The following TTN variants were observed in gnomAD, a reference collection of about 807,000 sequenced individuals.
TTN encodes the protein connectin.
A neutral mutation model predicts 3,223.0 loss-of-function variants in TTN; 1,525 were observed. The ratio of observed to expected loss-of-function variants is 0.47; its 90% CI spans 0.45 to 0.49. The LOEUF (loss-of-function observed/expected upper bound fraction) is 0.49. TTN is among the 20% of genes least tolerant of loss of function. The pLI is 0.00. For synonymous variants in TTN, 14,094 were observed against 15,161.0 expected (o/e 0.93, Z 5.17); for missense variants, 40,786 against 43,424.0 (o/e 0.94, Z 5.40).
Position 178,735,476 on chromosome 2 carries a change from G to T in TTN, c.14935+35C>A, listed in dbSNP as rs772478106. 2.7e-6 allele frequency: 4 copies of T among 1,506,956 alleles called. 1 individual carries two copies. Among genetic ancestry groups the T allele is most frequent in the South Asian group, 2.8e-5 (2 of 71,314 alleles). The allele number at this position is 1,506,956 out of a possible 1,614,324, so 93.3% of individuals were successfully genotyped here. On this transcript the variant is annotated intron_variant, in intron 50 of 362. Coordinates refer to ENST00000589042, the MANE Select transcript of TTN (RefSeq NM_001267550.2). ...TTTTCTACTGAGGATTCCTTGCAGA[G>T]AAGGGACTAGAAAATACATTCACAC...
At chr2:178,799,781 G>A (rs766375395) in intron 5 of TTN, 44 bp downstream of exon 5, 13 of 1,614,040 alleles carry the variant, frequency 8.1e-6, no homozygotes, top group Admixed American at 3.3e-5. Context: ...AGCTGGGGAC[G>A]CAACAGCCTG....
In TTN at chr2:178,563,295, C is replaced by A; in HGVS notation, c.82837G>T (p.Ala27613Ser). Residue 27613 changes from alanine (A) to serine (S), a missense_variant, in exon 326 of 363, where the codon GCT becomes TCT. Transcript: ENST00000589042. The surrounding 1 kb of genome is among the most constrained non-coding windows in gnomAD (Gnocchi z 4.5). ...GTGCAGGTTGTCCATTCATCCGCAG[C>A]AGCTTCTTTGACCTCTACAACATAG... ...KGYVVEVKEA[A>S]ADEWTTCTPP... 9 of 1,613,690 alleles carry A rather than the reference C, an allele frequency of 5.6e-6. No homozygotes were observed. Among genetic ancestry groups the A allele is most frequent in the Non-Finnish European group, 7.6e-6 (9 of 1,179,716 alleles).
intron 295 of TTN, 124 bp downstream of exon 295, chr2:178,595,383 T>C (rs1047574449): frequency 1.1e-6 from 1 of 870,296 alleles, no homozygotes; most frequent in Non-Finnish European, 1.8e-6. Context: ...TACTGAGTAG[T>C]TGTGTGATAA....
chr2:178,733,395 G>T lies in TTN; in HGVS notation c.15898C>A (p.Pro5300Thr). ...LKPKWYKDGR[P>T]LVASKKYRIS... ...CGGTATTTTTTACTGGCGACCAAGG[G>T]TCTCCCATCTTTGTACCATTTGGGC... Residue 5300 changes from proline (P) to threonine (T), a missense_variant, in exon 54 of 363, where the codon CCC becomes ACC. Coordinates refer to ENST00000589042, the MANE Select transcript of TTN (RefSeq NM_001267550.2). The T allele has an allele frequency of 1.2e-6, 2 of 1,613,750 alleles. No homozygotes were observed. Among genetic ancestry groups the T allele is most frequent in the Non-Finnish European group, 1.7e-6 (2 of 1,179,774 alleles).
Position 178,585,274 on chromosome 2 carries a change from C to T in TTN, c.64470G>A (p.Val21490=). Residue 21490 remains valine, a synonymous_variant, in exon 309 of 363, where the codon GTG becomes GTA. Transcript: ENST00000589042. ...TACAGGTGGGATGAGGCTTTCCATA[C>T]ACATGGGCTTCAATTCGGAGTTTTT... The part of the protein sequence containing the change: ...AGKKLRIEAH[V]YGKPHPTCKW... 2 of 1,612,940 alleles carry T rather than the reference C, an allele frequency of 1.2e-6. No individual in the cohort carries two copies. Among genetic ancestry groups the T allele is most frequent in the Non-Finnish European group, 1.7e-6 (2 of 1,179,324 alleles).
At chr2:178,679,115 C>A (rs1214260197) in intron 142 of TTN, among the ~76,000 whole-genome samples, 1 of 151,974 alleles carries the variant, frequency 6.6e-6, no homozygotes. Flanking sequence ...ACTTGAAGAA[C>A]TTTCCACTAA....
chr2:178,799,289 C>G, intron 6 of TTN, 198 bp downstream of exon 6: 1 of 756,468 alleles, frequency 1.3e-6, no homozygotes. Flanking sequence ...GACACACAAG[C>G]GGCTGGATGT....
chr2:178,563,532 G>A lies in TTN; in HGVS notation c.82600C>T (p.Leu27534Phe), dbSNP rs1219137799. 1 of 1,613,756 alleles carries A rather than the reference G, an allele frequency of 6.2e-7. No homozygotes were observed. Among genetic ancestry groups the A allele is most frequent in the South Asian group, 1.1e-5 (1 of 91,074 alleles). The change falls in exon 326 of 363, where the codon CTT (leucine) becomes TTT (phenylalanine). Residue 27534 changes from leucine (L) to phenylalanine (F), a missense_variant. Leu to Phe is a conservative substitution (Grantham distance 22). Coordinates refer to ENST00000589042, the MANE Select transcript of TTN (RefSeq NM_001267550.2). The surrounding 1 kb of genome is among the most constrained non-coding windows in gnomAD (Gnocchi z 4.5). ...LTDLRLRVTG[L>F]TEGHSYEFRV... ...AATTCATAGGAATGGCCTTCGGTAA[G>A]ACCAGTTACCCTGAGCCGCAGATCC...
Position 178,739,687 on chromosome 2 carries a change from C to A in TTN, c.13546G>T (p.Val4516Phe). The change falls in exon 48 of 363, where the codon GTT becomes TTT. Residue 4516 changes from valine (V) to phenylalanine (F), a missense_variant. By Grantham distance (50) the Val-to-Phe change is conservative (BLOSUM62 -1). Coordinates refer to ENST00000589042, the MANE Select transcript of TTN (RefSeq NM_001267550.2). Reference protein sequence around the residue: ...EMDSFSGSQKVEPITEPEVES... With the variant: ...EMDSFSGSQKFEPITEPEVES... The stretch of plus-strand genomic sequence containing the variant: ...ACTTCTGGTTCAGTAATGGGTTCAA[C>A]CTTCTGTGAACCTGAAAAAGAATCC... 2 of 1,613,886 alleles carry A rather than the reference C, an allele frequency of 1.2e-6. No individual in the cohort carries two copies. The highest frequency in any genetic ancestry group is 1.1e-5 in the South Asian group (1 of 91,076).
In TTN at chr2:178,715,007, C is replaced by A. The variant is rs544958705; in HGVS notation, c.26179G>T (p.Val8727Phe). Reference protein sequence around the residue: ...ATNDVGSDTCVGSIALKAPPR... With the variant: ...ATNDVGSDTCFGSIALKAPPR... The stretch of plus-strand genomic sequence containing the variant: ...TAACCTTTGAGAGCGATGGAACCAA[C>A]GCAAGTGTCGCTTCCCACATCATTT... Residue 8727 changes from valine (V) to phenylalanine (F), a missense_variant, in exon 90 of 363, where the codon GTT becomes TTT. Coordinates refer to ENST00000589042, the MANE Select transcript of TTN (RefSeq NM_001267550.2). The A allele has an allele frequency of 3.1e-6, 5 of 1,611,236 alleles. No individual in the cohort carries two copies. The highest frequency in any genetic ancestry group is 3.4e-6 in the Non-Finnish European group (4 of 1,178,274).
rs746313065 is a variant in TTN at position 178,689,872 on chromosome 2, A to G, written c.31787T>C (p.Val10596Ala). Reference sequence around the variant, plus strand: ...AGGAACGGGAATCTTTTCTTCAGGGACAGGTTTCTTTGGCACCTCTGGGAC... The same window carrying G: ...AGGAACGGGAATCTTTTCTTCAGGGGCAGGTTTCTTTGGCACCTCTGGGAC... ...PKVPEVPKKP[V>A]PEEKIPVPVA... Residue 10596 changes from valine to alanine, a missense_variant, in exon 122 of 363, where the codon GTC (valine) becomes GCC (alanine). Val to Ala is a moderately conservative substitution (Grantham distance 64). Coordinates refer to ENST00000589042, the MANE Select transcript of TTN (RefSeq NM_001267550.2). The G allele has an allele frequency of 2.0e-5, 32 of 1,613,476 alleles. No homozygotes were observed. The East Asian group carries it at 2.5e-4, about 12-fold the overall frequency.
At chr2:178,797,714 T>C (rs562886317) in intron 6 of TTN, among the ~76,000 whole-genome samples, 2 of 152,242 alleles carry the variant, frequency 1.3e-5, no homozygotes, top group East Asian at 3.9e-4. Context: ...ATGAAGTACC[T>C]TGAGGAGGAG....
At chr2:178,651,825 A>T (rs1229747489) in intron 205 of TTN, 59 bp downstream of exon 205, 1 of 1,601,910 alleles carries the variant, frequency 6.2e-7, no homozygotes, top group African/African-American at 1.3e-5. Context: ...ACCCAGAATT[A>T]TCAGGGCAGG....
chr2:178,626,207 A>G (rs2059022342), intron 240 of TTN, among the ~76,000 whole-genome samples: 1 of 152,032 alleles, frequency 6.6e-6, no homozygotes, highest in African/African-American at 2.4e-5. Context: ...TTATTTTAGC[A>G]ATTAAACTTA....
intron 102 of TTN, 100 bp downstream of exon 102, chr2:178,706,354 T>C: frequency 7.7e-7 from 1 of 1,296,062 alleles, no homozygotes; most frequent in Non-Finnish European, 1.0e-6. Flanking sequence ...TTTAAATTTT[T>C]TGTTCTTTAA....
intron 49 of TTN, chr2:178,737,512 G>T (rs2081709792): frequency 6.6e-6 from 1 of 152,250 alleles, no homozygotes. Context: ...GTGTTAGCCA[G>T]GATGGTCTCG....
rs1311886410 is a variant in TTN at position 178,592,834 on chromosome 2, G to T, written c.59285C>A (p.Ala19762Glu). Residue 19762 changes from alanine to glutamate, a missense_variant, in exon 300 of 363, where the codon GCA becomes GAA. Transcript: ENST00000589042. ...TYKFRVLAVN[A>E]AGESDPAHVP... ...ATGAGCTGGATCTGATTCACCAGCT[G>T]CATTGACTGCTAACACTCTAAACTT... 29 of 1,613,384 alleles carry T rather than the reference G, an allele frequency of 1.8e-5. No homozygotes were observed. Among genetic ancestry groups the T allele is most frequent in the Non-Finnish European group, 2.5e-5 (29 of 1,179,628 alleles).
Position 178,587,501 on chromosome 2 carries a change from A to G in TTN, c.63793+15T>C. 6.2e-7 allele frequency: 1 copy of G among 1,605,490 alleles called. No homozygotes were observed. Among genetic ancestry groups the G allele is most frequent in the Non-Finnish European group, 8.5e-7 (1 of 1,176,210 alleles). ...CATTTTTGAAGTGGGAGGGAGAAGCATTTTAGTAACCCACCTAATACTCTG... is the reference window on the plus strand; with the variant it reads ...CATTTTTGAAGTGGGAGGGAGAAGCGTTTTAGTAACCCACCTAATACTCTG... On this transcript the variant is annotated intron_variant, in intron 306 of 362. Transcript: ENST00000589042.
At chr2:178,758,734 A>G (rs2088084898) in intron 44 of TTN, 1 of 521,998 alleles carries the variant, frequency 1.9e-6, no homozygotes, top group Admixed American at 3.1e-5. Flanking sequence ...ACAGCTGGTG[A>G]CAGCAGCAAT....
Sources: allele counts gnomAD v4.1 joint callset (sites outside exome capture counted in the v4.1 genomes callset), GRCh38; gene constraint gnomAD v4.1.1; non-coding constraint Gnocchi (gnomAD v3.1); transcripts MANE v1.5; gene names NCBI Gene and HGNC (gene_info 2026-07-23, HGNC 2026-07-21).